The following IL1RAP variants were observed in gnomAD, a reference collection of about 807,000 sequenced individuals.
IL1RAP encodes the protein interleukin-1 receptor accessory protein.
In IL1RAP, 35 loss-of-function variants were observed where a neutral mutation model predicts 60.7. That is an observed-to-expected ratio of 0.58 (90% CI 0.44 to 0.76). The LOEUF (loss-of-function observed/expected upper bound fraction) is 0.76, where lower values mean the gene tolerates loss of function less well. IL1RAP is among the 30% of genes least tolerant of loss of function. IL1RAP has a pLI of 0.00. For missense variants in IL1RAP, 572 were observed against 693.9 expected (o/e 0.82, Z 1.97); for synonymous variants, 268 against 250.9 (o/e 1.07, Z -0.64).
chr3:190,656,074 G>A, downstream of IL1RAP: 2 of 1,537,236 alleles, frequency 1.3e-6, no homozygotes, highest in Non-Finnish European at 8.7e-7. Context: ...CCCGCACCCA[G>A]GCATTCTTCA....
intron 3 of IL1RAP, among the ~76,000 whole-genome samples, chr3:190,566,011 C>A (rs1726359458): frequency 6.6e-6 from 1 of 151,948 alleles, no homozygotes; most frequent in South Asian, 2.1e-4. Flanking sequence ...CCTTTTCCTT[C>A]CTTTTTTTCT....
At chr3:190,585,260 G>T (rs1728352183) in intron 3 of IL1RAP, among the ~76,000 whole-genome samples, 1 of 152,136 alleles carries the variant, frequency 6.6e-6, no homozygotes. Flanking sequence ...TTCTCAACTT[G>T]ATCAGTCACA....
intron 1 of IL1RAP, among the ~76,000 whole-genome samples, chr3:190,542,202 C>A (rs1409407528): frequency 6.6e-6 from 1 of 152,106 alleles, no homozygotes; most frequent in East Asian, 1.9e-4. Flanking sequence ...TTGGACACAG[C>A]AAACGAAATA....
At position 190,564,146 on chromosome 3, in the gene IL1RAP, T is replaced by C; in HGVS notation, c.-1-143T>C. 8.3e-6 allele frequency: 5 copies of C among 605,474 alleles called. No homozygotes were observed. In the East Asian group the frequency reaches 1.4e-4, roughly 17 times the overall value. 37.5% of individuals were successfully genotyped at this position (605,474 alleles called of 1,614,324 possible). A position where few individuals can be genotyped will look rare whatever the true frequency, so the allele number is the denominator to read the frequency against. ...AAATAAAACCTGTCTTATTGGTTGG[T>C]TCTGACAATGAAATTTGTTAATATT... On this transcript the variant is annotated intron_variant, in intron 2 of 11. Transcript: ENST00000447382.
Position 190,634,707 on chromosome 3 carries a change from G to GTTTTTTTTTTTT in IL1RAP, c.1051+5220_1051+5221insTTTTTTTTTTTT, listed in dbSNP as rs1167445179. 2.5e-4 allele frequency among the ~76,000 whole-genome samples: 34 copies of GTTTTTTTTTTTT among 134,694 alleles called. 2 individuals carry two copies. The highest frequency in any genetic ancestry group is 8.9e-4 in the African/African-American group (30 of 33,684). The allele number at this position is 134,694 out of a possible 152,430, so 88.4% of individuals were successfully genotyped here. A position where few individuals can be genotyped will look rare whatever the true frequency, so the allele number is the denominator to read the frequency against. Reference sequence around the variant, plus strand: ...TCATATAACTATCTGGGCCTGTTGTGTTTTTTTTTTTGTTGTTGTTTTTTT... The same window carrying GTTTTTTTTTTTT: ...TCATATAACTATCTGGGCCTGTTGTGTTTTTTTTTTTTTTTTTTTTTTTGTTGTTGTTTTTTT... On this transcript the variant is annotated intron_variant, in intron 9 of 11. Coordinates refer to ENST00000447382, the MANE Select transcript of IL1RAP (RefSeq NM_002182.4).
At chr3:190,609,979 G>A (rs2108766709) in intron 5 of IL1RAP, among the ~76,000 whole-genome samples, 1 of 152,254 alleles carries the variant, frequency 6.6e-6, no homozygotes, top group Non-Finnish European at 1.5e-5. Flanking sequence ...GCTGAAATTG[G>A]GAGAGGTTTT....
At chr3:190,605,514 G>A (rs1005092479) in intron 4 of IL1RAP, among the ~76,000 whole-genome samples, 3 of 151,526 alleles carry the variant, frequency 2.0e-5, no homozygotes, top group Admixed American at 6.6e-5. Context: ...TTCTTTTAAC[G>A]ACTTCCTGCT....
intron 5 of IL1RAP, among the ~76,000 whole-genome samples, chr3:190,618,756 T>C (rs1389909204): frequency 6.6e-6 from 1 of 152,226 alleles, no homozygotes; most frequent in Non-Finnish European, 1.5e-5. Context: ...TGAAATCGTT[T>C]GCTGACCTGA....
chr3:190,613,381 C>T (rs1030099206), intron 5 of IL1RAP, among the ~76,000 whole-genome samples: 2 of 151,972 alleles, frequency 1.3e-5, no homozygotes, highest in South Asian at 2.1e-4. Flanking sequence ...GTAGTGGTTA[C>T]GTGATTATGA....
intron 3 of IL1RAP, among the ~76,000 whole-genome samples, chr3:190,598,632 T>C (rs1018275354): frequency 1.3e-5 from 2 of 152,144 alleles, no homozygotes; most frequent in Non-Finnish European, 2.9e-5. Context: ...TTAACTATCC[T>C]CACTTTTACT....
At chr3:190,578,282 A>T (rs1366189750) in intron 3 of IL1RAP, among the ~76,000 whole-genome samples, 2 of 152,222 alleles carry the variant, frequency 1.3e-5, no homozygotes, top group African/African-American at 4.8e-5. Context: ...CTTAATTTTT[A>T]GAAGTAAGAA....
In IL1RAP at chr3:190,651,181, T is replaced by A. The variant is rs1343982597; in HGVS notation, c.*2476T>A. The A allele has an allele frequency of 1.0e-6, 1 of 978,226 alleles. No homozygotes were observed. Among genetic ancestry groups the A allele is most frequent in the Non-Finnish European group, 1.2e-6 (1 of 825,968 alleles). The allele number at this position is 978,226 out of a possible 1,614,324, so 60.6% of individuals were successfully genotyped here. A position where few individuals can be genotyped will look rare whatever the true frequency, so the allele number is the denominator to read the frequency against. ...ATGTCTCAAATTTTTTTAAAAAAAA[T>A]TAATGGTTTTAAATATATGCTATAG... On this transcript the variant is annotated 3_prime_UTR_variant, in exon 12 of 12. Coordinates refer to ENST00000447382, the MANE Select transcript of IL1RAP (RefSeq NM_002182.4).
chr3:190,644,177 A>G (rs1262756816), intron 9 of IL1RAP, 71 bp from the exon 10 acceptor site: 5 of 1,537,722 alleles, frequency 3.3e-6, no homozygotes, highest in Non-Finnish European at 4.4e-6. Context: ...TTATCCAGCT[A>G]TTTGCCGGGA....
chr3:190,517,386 T>C (rs1436749990), intron 1 of IL1RAP, among the ~76,000 whole-genome samples: 1 of 151,554 alleles, frequency 6.6e-6, no homozygotes, highest in Non-Finnish European at 1.5e-5. Flanking sequence ...TTATTCAACT[T>C]TTTTTTTTGA....
In IL1RAP at chr3:190,648,453, A is replaced by G. The variant is rs1734190981; in HGVS notation, c.1461A>G (p.Leu487=). The change falls in exon 12 of 12, where the codon CTA becomes CTG. Residue 487 remains leucine, a synonymous_variant. Transcript: ENST00000447382. The part of the protein sequence containing the change: ...TQALLELKAG[L]ENMASRGNIN... Reference sequence around the variant, plus strand: ...CCCTCCTGGAGCTCAAGGCTGGCCTAGAAAATATGGCCTCTCGGGGCAACA... The same window carrying G: ...CCCTCCTGGAGCTCAAGGCTGGCCTGGAAAATATGGCCTCTCGGGGCAACA... The G allele has an allele frequency of 3.1e-6, 5 of 1,614,156 alleles. No homozygotes were observed. In the East Asian group the frequency reaches 1.1e-4, roughly 36 times the overall value.
Position 190,650,305 on chromosome 3 carries a change from A to T in IL1RAP, c.*1600A>T, listed in dbSNP as rs535166641. On this transcript the variant is annotated 3_prime_UTR_variant, in exon 12 of 12. Coordinates refer to ENST00000447382, the MANE Select transcript of IL1RAP (RefSeq NM_002182.4). Reference sequence around the variant, plus strand: ...AATAACTTAAGTATTGCTACAGTTTATCTAGGTTGCAGTGGCATCTGCTGT... The same window carrying T: ...AATAACTTAAGTATTGCTACAGTTTTTCTAGGTTGCAGTGGCATCTGCTGT... The T allele has an allele frequency of 4.5e-5, 44 of 985,104 alleles. No individual in the cohort carries two copies. In the South Asian group the frequency reaches 1.9e-3, roughly 42 times the overall value. The allele number at this position is 985,104 out of a possible 1,614,324, so 61.0% of individuals were successfully genotyped here.
At chr3:190,619,508 C>T (rs893500745) in intron 5 of IL1RAP, among the ~76,000 whole-genome samples, 6 of 152,032 alleles carry the variant, frequency 3.9e-5, no homozygotes, top group Admixed American at 2.0e-4. Flanking sequence ...AGGCGGATCA[C>T]GAGGTCAGGA....
chr3:190,536,285 T>C (rs1723453402), intron 1 of IL1RAP, among the ~76,000 whole-genome samples: 1 of 152,190 alleles, frequency 6.6e-6, no homozygotes, highest in Admixed American at 6.5e-5. Context: ...TTGATTCTTT[T>C]TTTAATTTTT....
intron 5 of IL1RAP, chr3:190,615,147 GT>G: frequency 1.3e-5 from 2 of 154,746 alleles, no homozygotes; most frequent in Non-Finnish European, 2.8e-5. Flanking sequence ...TTTAACTCCT[GT>G]GAGTTAAACT....
Sources: gnomAD v4.1 joint callset for allele counts (sites outside exome capture counted in the v4.1 genomes callset) on GRCh38, gnomAD v4.1.1 for gene constraint, MANE v1.5 for transcripts, NCBI Gene and HGNC (gene_info 2026-07-23, HGNC 2026-07-21) for gene names.